Variants in SLAIN2 observed in about 807,000 individuals in gnomAD.
SLAIN2 encodes SLAIN motif-containing protein 2.
SLAIN2 carries 31 observed loss-of-function variants against 56.6 expected under a neutral mutation model. That is an observed-to-expected ratio of 0.55 (90% CI 0.41 to 0.74). The LOEUF is 0.74. Among genes scored for constraint, SLAIN2 ranks in the 30% least tolerant of loss-of-function variants. SLAIN2 has a pLI of 0.00. For missense variants in SLAIN2, 777 were observed against 754.2 expected (o/e 1.03, Z -0.35); for synonymous variants, 317 against 284.9 (o/e 1.11, Z -1.13).
chr4:48,415,205 T>A (rs1716966719), intron 6 of SLAIN2, among the ~76,000 whole-genome samples: 1 of 31,408 alleles, frequency 3.2e-5, no homozygotes, highest in African/African-American at 9.7e-5. Context: ...TTTCTCCACA[T>A]CCTCTCCAGC....
chr4:48,409,342 A>G (rs1419533994), intron 6 of SLAIN2, among the ~76,000 whole-genome samples: 2 of 152,136 alleles, frequency 1.3e-5, no homozygotes, highest in Non-Finnish European at 2.9e-5. Flanking sequence ...GCCATCAGCT[A>G]TTCCATATAG....
In SLAIN2 at chr4:48,396,654, C is replaced by T. The variant is rs556270835; in HGVS notation, c.1360+12870C>T. On this transcript the variant is annotated intron_variant, in intron 6 of 7. Transcript: ENST00000264313. Reference sequence around the variant, plus strand: ...TCACAGGTATATTTGGCATATTAAACGTGTCCAGTAAAGAAACATGGACCA... The same window carrying T: ...TCACAGGTATATTTGGCATATTAAATGTGTCCAGTAAAGAAACATGGACCA... Among the ~76,000 whole-genome samples, 9 of 152,216 alleles carry T rather than the reference C, an allele frequency of 5.9e-5. No homozygotes were observed. In the East Asian group the frequency reaches 1.4e-3, roughly 23 times the overall value.
intron 1 of SLAIN2, among the ~76,000 whole-genome samples, chr4:48,366,779 A>G (rs1478654958): frequency 1.3e-5 from 2 of 152,178 alleles, no homozygotes; most frequent in East Asian, 1.9e-4. Context: ...TTGGGCCTCC[A>G]TGACTTAATT....
chr4:48,381,498 A>G (rs1461068841), intron 4 of SLAIN2, among the ~76,000 whole-genome samples: 1 of 152,184 alleles, frequency 6.6e-6, no homozygotes, highest in Non-Finnish European at 1.5e-5. Flanking sequence ...ATAGTGATCC[A>G]ACAGTGCTCT....
chr4:48,390,528 A>T (rs1057068961), intron 6 of SLAIN2, among the ~76,000 whole-genome samples: 1 of 152,180 alleles, frequency 6.6e-6, no homozygotes, highest in African/African-American at 2.4e-5. Context: ...TTCAATTATC[A>T]TGAAACTAGT....
At chr4:48,369,552 C>G (rs1316338444) in intron 1 of SLAIN2, among the ~76,000 whole-genome samples, 2 of 152,120 alleles carry the variant, frequency 1.3e-5, no homozygotes, top group Non-Finnish European at 2.9e-5. Flanking sequence ...GGGAGTTAGT[C>G]AAGTAGTGTT....
At chr4:48,412,865 A>G (rs1211017124) in intron 6 of SLAIN2, among the ~76,000 whole-genome samples, 1 of 152,132 alleles carries the variant, frequency 6.6e-6, no homozygotes, top group Non-Finnish European at 1.5e-5. Flanking sequence ...GTCATACCTT[A>G]TAAAACCTGC....
intron 1 of SLAIN2, among the ~76,000 whole-genome samples, chr4:48,359,029 A>G (rs1715245916): frequency 6.6e-6 from 1 of 152,228 alleles, no homozygotes; most frequent in African/African-American, 2.4e-5. Context: ...CCTAAAGATA[A>G]TAAGATAAAC....
At position 48,422,134 on chromosome 4, in the gene SLAIN2, A is replaced by G. The variant is rs1717172714; in HGVS notation, c.*57A>G. On this transcript the variant is annotated 3_prime_UTR_variant, in exon 8 of 8. Coordinates refer to ENST00000264313, the MANE Select transcript of SLAIN2 (RefSeq NM_020846.2). ...CTTCATGGATACCCTTCACCAGGCT[A>G]AAAAACAACTTTTATATGCAGACTG... is the stretch of plus-strand genomic sequence containing the variant. 2.9e-6 allele frequency: 4 copies of G among 1,397,246 alleles called. No homozygotes were observed. Among genetic ancestry groups the G allele is most frequent in the South Asian group, 1.2e-5 (1 of 81,908 alleles). 86.6% of individuals were successfully genotyped at this position (1,397,246 alleles called of 1,614,324 possible).
chr4:48,402,368 A>G (rs960937717), intron 6 of SLAIN2, among the ~76,000 whole-genome samples: 1 of 152,122 alleles, frequency 6.6e-6, no homozygotes, highest in Non-Finnish European at 1.5e-5. Context: ...ATCCTGAAGT[A>G]TGCATTCCAA....
chr4:48,342,651 C>T (rs925938014), intron 1 of SLAIN2, among the ~76,000 whole-genome samples: 9 of 148,104 alleles, frequency 6.1e-5, no homozygotes, highest in Non-Finnish European at 1.0e-4. Flanking sequence ...AATCAGCACT[C>T]CCCTTTGGGT....
chr4:48,392,885 C>T (rs1170478552), intron 6 of SLAIN2, among the ~76,000 whole-genome samples: 1 of 147,846 alleles, frequency 6.8e-6, no homozygotes, highest in Non-Finnish European at 1.5e-5. Flanking sequence ...CTGTAGCCAT[C>T]TAGTTGCCTA....
At chr4:48,353,937 G>A (rs539208218) in intron 1 of SLAIN2, among the ~76,000 whole-genome samples, 1 of 152,268 alleles carries the variant, frequency 6.6e-6, no homozygotes, top group South Asian at 2.1e-4. Flanking sequence ...AGAGAAAACA[G>A]TCGACATTGG....
intron 6 of SLAIN2, among the ~76,000 whole-genome samples, chr4:48,390,546 C>T (rs1220488966): frequency 6.6e-6 from 1 of 151,812 alleles, no homozygotes; most frequent in Non-Finnish European, 1.5e-5. Context: ...AGTTATAGTA[C>T]TAATGGCCAG....
In SLAIN2 at chr4:48,377,766, C is replaced by T. The variant is rs1029639656; in HGVS notation, c.539-130C>T. The T allele has an allele frequency of 4.6e-6, 4 of 860,422 alleles. No individual in the cohort carries two copies. The African/African-American group carries it at 5.2e-5, about 11-fold the overall frequency. 53.3% of individuals were successfully genotyped at this position (860,422 alleles called of 1,614,324 possible). On this transcript the variant is annotated intron_variant, in intron 2 of 7. Transcript: ENST00000264313. The stretch of plus-strand genomic sequence containing the variant: ...GTTGGGATTATTATATTTTTTCCCC[C>T]ACTACCATAAGAATATTTCTTCATT...
At chr4:48,399,603 A>T (rs1482054384) in intron 6 of SLAIN2, among the ~76,000 whole-genome samples, 1 of 151,992 alleles carries the variant, frequency 6.6e-6, no homozygotes, top group African/African-American at 2.4e-5. Context: ...GGAATGTTTC[A>T]AGCTTTTGCC....
At chr4:48,376,457 A>G (rs1422000624) in intron 2 of SLAIN2, among the ~76,000 whole-genome samples, 1 of 10,406 alleles carries the variant, frequency 9.6e-5, no homozygotes, top group Non-Finnish European at 1.5e-4. Context: ...TGTCTCAGAG[A>G]AAAAAAAAAA....
At chr4:48,395,929 T>C (rs925479615) in intron 6 of SLAIN2, among the ~76,000 whole-genome samples, 2 of 149,660 alleles carry the variant, frequency 1.3e-5, no homozygotes, top group Non-Finnish European at 3.0e-5. Context: ...GGGCAGGAGA[T>C]CACTATACCA....
chr4:48,377,336 AT>A lies in SLAIN2; in HGVS notation c.539-539del, dbSNP rs34493417. On this transcript the variant is annotated intron_variant, in intron 2 of 7. Coordinates refer to ENST00000264313, the MANE Select transcript of SLAIN2 (RefSeq NM_020846.2). ...TAGCATGCACCACCATGCCTGGCTA[AT>A]TTTTTTTTTTTTTTTTTTTTAAGTA... Among the ~76,000 whole-genome samples the A allele has an allele frequency of 4.9e-3, 576 of 117,474 alleles. 2 individuals are homozygous for A. Among genetic ancestry groups the A allele is most frequent in the African/African-American group, 0.014 (427 of 29,992 alleles). 77.1% of individuals were successfully genotyped at this position (117,474 alleles called of 152,430 possible). A position where few individuals can be genotyped will look rare whatever the true frequency, so the allele number is the denominator to read the frequency against.
Sources: allele counts gnomAD v4.1 joint callset (sites outside exome capture counted in the v4.1 genomes callset), GRCh38; gene constraint gnomAD v4.1.1; transcripts MANE v1.5; gene names NCBI Gene and HGNC (gene_info 2026-07-23, HGNC 2026-07-21).